CTBS: variants seen among roughly 807,000 people sequenced by gnomAD.
CTBS encodes di-N-acetylchitobiase.
In CTBS, 35 loss-of-function variants were observed where a neutral mutation model predicts 44.3. That is an observed-to-expected ratio of 0.79 (90% CI 0.60 to 1.05). CTBS has a LOEUF of 1.05. Among genes scored for constraint, CTBS ranks in the 50% least tolerant of loss-of-function variants. The pLI is 0.00. For synonymous variants in CTBS, 143 were observed against 168.0 expected, an observed-to-expected ratio of 0.85 and a Z score of 1.15; for missense variants, 458 against 475.3, an observed-to-expected ratio of 0.96 and a Z score of 0.34.
intron 6 of CTBS, 114 bp downstream of exon 6, chr1:84,563,143 G>A (rs1337809130): frequency 3.2e-6 from 2 of 632,158 alleles, no homozygotes; most frequent in Non-Finnish European, 4.9e-6. Context: ...ATAGCAGTCT[G>A]CATGTTATGC....
chr1:84,560,399 A>G (rs1684569066), intron 6 of CTBS, among the ~76,000 whole-genome samples: 1 of 152,206 alleles, frequency 6.6e-6, no homozygotes, highest in South Asian at 2.1e-4. Context: ...TTTCCCACTC[A>G]GTCTGTTTGC....
chr1:84,574,163 C>T (rs1294129095), intron 1 of CTBS, 76 bp downstream of exon 1: 31 of 1,555,836 alleles, frequency 2.0e-5, no homozygotes, highest in Non-Finnish European at 2.5e-5. Flanking sequence ...GGCACCTCTC[C>T]TTAGGGCTCC....
intron 1 of CTBS, among the ~76,000 whole-genome samples, chr1:84,573,563 C>T (rs1270078037): frequency 6.6e-6 from 1 of 152,186 alleles, no homozygotes; most frequent in Non-Finnish European, 1.5e-5. Context: ...ATGCCTATTT[C>T]TACAAAAGAA....
rs956127894 is a variant in CTBS at position 84,549,908 on chromosome 1, G to A, written c.*5091C>T. The A allele has an allele frequency of 8.0e-5, 12 of 150,600 alleles. No individual in the cohort carries two copies. The highest frequency in any genetic ancestry group is 2.9e-4 in the African/African-American group (12 of 40,960). The allele number at this position is 150,600 out of a possible 1,614,324, so 9.3% of individuals were successfully genotyped here. On this transcript the variant is annotated 3_prime_UTR_variant, in exon 7 of 7. Transcript: ENST00000370630. ...AGCATAGCTTATACTTTATCTTACT[G>A]TTTAATCAGTTCAATATAAGAATTT...
chr1:84,562,457 A>AT (rs1055369709), intron 6 of CTBS, among the ~76,000 whole-genome samples: 2 of 152,174 alleles, frequency 1.3e-5, no homozygotes, highest in African/African-American at 4.8e-5. Flanking sequence ...GTTTGCAGTC[A>AT]TTTTTTTATA....
At chr1:84,571,436 TG>T (rs2102032295) in intron 1 of CTBS, among the ~76,000 whole-genome samples, 1 of 152,372 alleles carries the variant, frequency 6.6e-6, no homozygotes, top group South Asian at 2.1e-4. Flanking sequence ...ATACATTTAC[TG>T]TTTTTTGTTT....
At position 84,574,354 on chromosome 1, in the gene CTBS, C is replaced by G. The variant is rs749197755; in HGVS notation, c.62G>C (p.Gly21Ala). 4 of 1,566,570 alleles carry G rather than the reference C, an allele frequency of 2.6e-6. No individual in the cohort carries two copies. In the South Asian group the frequency reaches 4.6e-5, roughly 18 times the overall value. Residue 21 changes from glycine to alanine, a missense_variant, in exon 1 of 7, where the codon GGT (glycine) becomes GCT (alanine). Gly to Ala is a moderately conservative substitution (Grantham distance 60). Coordinates refer to ENST00000370630, the MANE Select transcript of CTBS (RefSeq NM_004388.3). Reference sequence around the variant, plus strand: ...CGCCAGCAGCGCCAGCAGCGCTAGACCCGGGACGCCGCTCGGCGGGCTAGA... The same window carrying G: ...CGCCAGCAGCGCCAGCAGCGCTAGAGCCGGGACGCCGCTCGGCGGGCTAGA... ...LVSSPPSGVP[G>A]LALLALLALL...
Position 84,570,566 on chromosome 1 carries a change from T to C in CTBS, c.316+16A>G, listed in dbSNP as rs1236122831. The C allele has an allele frequency of 3.8e-6, 6 of 1,593,592 alleles. No homozygotes were observed. Among genetic ancestry groups the C allele is most frequent in the Non-Finnish European group, 4.3e-6 (5 of 1,167,606 alleles). On this transcript the variant is annotated intron_variant, in intron 2 of 6. Transcript: ENST00000370630. ...ATTTCCCAATTGCTGCACACATAGA[T>C]CTGGAAACAACATACCTTTAAGTAC... is the stretch of plus-strand genomic sequence containing the variant.
chr1:84,560,109 GA>G (rs1684562081), intron 6 of CTBS, among the ~76,000 whole-genome samples: 1 of 125,806 alleles, frequency 7.9e-6, no homozygotes, highest in South Asian at 2.7e-4. Flanking sequence ...AAGAAAGAAA[GA>G]AAGAAAGAAA....
At chr1:84,557,679 C>G (rs1684485859) in intron 6 of CTBS, among the ~76,000 whole-genome samples, 1 of 150,738 alleles carries the variant, frequency 6.6e-6, no homozygotes, top group Non-Finnish European at 1.5e-5. Context: ...CACAGTGAAA[C>G]CCCGTCTCTA....
intron 1 of CTBS, among the ~76,000 whole-genome samples, chr1:84,573,751 T>C (rs887733567): frequency 5.3e-5 from 8 of 152,240 alleles, no homozygotes; most frequent in African/African-American, 1.9e-4. Flanking sequence ...GCTATTTTTT[T>C]TACCACTCTT....
intron 2 of CTBS, 100 bp downstream of exon 2, chr1:84,570,482 C>G (rs577879584): frequency 1.8e-5 from 17 of 958,476 alleles, no homozygotes; most frequent in African/African-American, 1.3e-4. Flanking sequence ...CTAACAAAAA[C>G]AGATAAACAT....
Position 84,554,302 on chromosome 1 carries a change from C to A in CTBS, c.*697G>T, listed in dbSNP as rs879286195. The A allele has an allele frequency of 6.6e-6, 1 of 152,090 alleles. No individual in the cohort carries two copies. Among genetic ancestry groups the A allele is most frequent in the African/African-American group, 2.4e-5 (1 of 41,420 alleles). The allele number at this position is 152,090 out of a possible 1,614,324, so 9.4% of individuals were successfully genotyped here. A position where few individuals can be genotyped will look rare whatever the true frequency, so the allele number is the denominator to read the frequency against. Reference sequence around the variant, plus strand: ...TATTAAAAATTTTACAAATGAGCCTCATAAAAATAATGTAGTTGGAAAATA... The same window carrying A: ...TATTAAAAATTTTACAAATGAGCCTAATAAAAATAATGTAGTTGGAAAATA... On this transcript the variant is annotated 3_prime_UTR_variant, in exon 7 of 7. Coordinates refer to ENST00000370630, the MANE Select transcript of CTBS (RefSeq NM_004388.3).
intron 3 of CTBS, among the ~76,000 whole-genome samples, chr1:84,566,530 T>C (rs1481282361): frequency 2.6e-5 from 4 of 152,310 alleles, no homozygotes; most frequent in Non-Finnish European, 2.9e-5. Flanking sequence ...AAGACAATAG[T>C]GGTGTCTTAC....
At position 84,550,334 on chromosome 1, in the gene CTBS, C is replaced by A; in HGVS notation, c.*4665G>T. 1.9e-6 allele frequency: 1 copy of A among 534,908 alleles called. No homozygotes were observed. Among genetic ancestry groups the A allele is most frequent in the Non-Finnish European group, 3.0e-6 (1 of 331,110 alleles). The allele number at this position is 534,908 out of a possible 1,614,324, so 33.1% of individuals were successfully genotyped here. A position where few individuals can be genotyped will look rare whatever the true frequency, so the allele number is the denominator to read the frequency against. ...GAATAGGTTATTTTCATGATTTACT[C>A]TTTTGATCTTTATCATTTCATAGTT... is the stretch of plus-strand genomic sequence containing the variant. On this transcript the variant is annotated 3_prime_UTR_variant, in exon 7 of 7. Transcript: ENST00000370630.
At chr1:84,569,780 A>G in intron 3 of CTBS, 151 bp downstream of exon 3, 3 of 704,600 alleles carry the variant, frequency 4.3e-6, no homozygotes, top group Non-Finnish European at 7.2e-6. Flanking sequence ...AAATAAGAAC[A>G]CCAAAGGCTC....
chr1:84,570,210 TAACTG>T, intron 2 of CTBS, 71 bp from the exon 3 acceptor site: 1 of 1,293,156 alleles, frequency 7.7e-7, no homozygotes. Context: ...ACTAAGCCCT[TAACTG>T]AAGTTTTCCA....
chr1:84,561,986 T>C (rs540152212), intron 6 of CTBS, among the ~76,000 whole-genome samples: 8 of 152,308 alleles, frequency 5.3e-5, no homozygotes, highest in Non-Finnish European at 8.8e-5. Context: ...CTCTGCAATA[T>C]CTCTAAGGTA....
rs914141403 is a variant in CTBS, at chr1:84,552,746, A to G, written c.*2253T>C. 10 of 217,620 alleles carry G rather than the reference A, an allele frequency of 4.6e-5. No homozygotes were observed. The highest frequency in any genetic ancestry group is 1.4e-4 in the African/African-American group (6 of 44,170). 13.5% of individuals were successfully genotyped at this position (217,620 alleles called of 1,614,324 possible). A position where few individuals can be genotyped will look rare whatever the true frequency, so the allele number is the denominator to read the frequency against. ...ACAGGTTTTGAAGTTTAAGCAAAAC[A>G]TAAAATTCTTTCTCACTCTAGTTTT... On this transcript the variant is annotated 3_prime_UTR_variant, in exon 7 of 7. Coordinates refer to ENST00000370630, the MANE Select transcript of CTBS (RefSeq NM_004388.3).
Sources: allele counts gnomAD v4.1 joint callset (sites outside exome capture counted in the v4.1 genomes callset), GRCh38; gene constraint gnomAD v4.1.1; transcripts MANE v1.5; gene names NCBI Gene and HGNC (gene_info 2026-07-23, HGNC 2026-07-21).